The following MYOM1 variants were observed in gnomAD, a reference collection of about 807,000 sequenced individuals.
MYOM1 encodes myomesin 1, also known as myomesin-1.
In MYOM1, 164 loss-of-function variants were observed where a neutral mutation model predicts 205.3. That is an observed-to-expected ratio of 0.80 (90% CI 0.70 to 0.91). The LOEUF (loss-of-function observed/expected upper bound fraction) is 0.91, where lower values mean the gene tolerates loss of function less well. Ranked by LOEUF, MYOM1 falls within the 40% of genes least tolerant of loss-of-function variation. The pLI is 0.00. For synonymous variants in MYOM1, 772 were observed against 789.4 expected (o/e 0.98, Z 0.37); for missense variants, 2,011 against 2,127.3 (o/e 0.95, Z 1.08).
chr18:3,090,769 T>C lies in MYOM1; in HGVS notation c.3898A>G (p.Ile1300Val). 1 of 1,614,012 alleles carries C rather than the reference T, an allele frequency of 6.2e-7. No homozygotes were observed. Among genetic ancestry groups the C allele is most frequent in the South Asian group, 1.1e-5 (1 of 91,076 alleles). The change falls in exon 27 of 38, where the codon ATC (isoleucine) becomes GTC (valine). Residue 1300 changes from isoleucine to valine, a missense_variant. Transcript: ENST00000356443. ...YKMHIDRNTG[I>V]IEMFMEKLQD... ...AGCTTTTCCATGAACATTTCGATGA[T>C]GCCAGTGTTTCGGTCAATATGCATT...
Position 3,067,283 on chromosome 18 carries a change from T to G in MYOM1, c.5037A>C (p.Lys1679Asn), listed in dbSNP as rs1404701175. 1 of 1,606,532 alleles carries G rather than the reference T, an allele frequency of 6.2e-7. No homozygotes were observed. Among genetic ancestry groups the G allele is most frequent in the African/African-American group, 1.3e-5 (1 of 74,846 alleles). Residue 1679 changes from lysine to asparagine, a missense_variant, in exon 38 of 38, where the codon AAA becomes AAC. Lys to Asn is a moderately conservative substitution (Grantham distance 94). Coordinates refer to ENST00000356443, the MANE Select transcript of MYOM1 (RefSeq NM_003803.4). ...CCGGTCACTTGGCCTTCTTGCCACC[T>G]TTCAGGGACTCCAAGGCGGCCATCC... ...EARMAALESLKGGKKAK is the reference protein window; with the variant it reads ...EARMAALESLNGGKKAK
chr18:3,136,031 C>T lies in MYOM1; in HGVS notation c.2026-301G>A, dbSNP rs186966458. On this transcript the variant is annotated intron_variant, in intron 14 of 37. Transcript: ENST00000356443. ...GTGGGAGATAATTGAATCATGGGGG[C>T]GGTTTCCCCCATACTGTTCTCGTGG... Among the ~76,000 whole-genome samples, 671 of 152,182 alleles carry T rather than the reference C, an allele frequency of 4.4e-3. 5 individuals carry two copies. The highest frequency in any genetic ancestry group is 5.6e-3 in the Non-Finnish European group (379 of 68,016).
intron 1 of MYOM1, among the ~76,000 whole-genome samples, chr18:3,216,674 G>A (rs1187909084): frequency 2.0e-5 from 3 of 152,170 alleles, no homozygotes; most frequent in Non-Finnish European, 1.5e-5. Context: ...CTGGTGGAAG[G>A]GCCAGTAGTG....
chr18:3,104,691 G>A (rs6506061), intron 22 of MYOM1, among the ~76,000 whole-genome samples: 32,003 of 149,278 alleles, frequency 0.21, 3,580 homozygotes, highest in African/African-American at 0.26. Context: ...TACCAGTTCT[G>A]ATGTGACAAA....
chr18:3,153,348 C>T (rs986208085), intron 11 of MYOM1, among the ~76,000 whole-genome samples: 1 of 152,154 alleles, frequency 6.6e-6, no homozygotes, highest in African/African-American at 2.4e-5. Flanking sequence ...GGCCTCATTT[C>T]CTACTTGAAA....
In MYOM1 at chr18:3,188,907, T is replaced by C. The variant is rs756977060; in HGVS notation, c.612A>G (p.Ala204=). 6.2e-7 allele frequency: 1 copy of C among 1,609,770 alleles called. No homozygotes were observed. Among genetic ancestry groups the C allele is most frequent in the South Asian group, 1.1e-5 (1 of 90,834 alleles). The change falls in exon 4 of 38, where the codon GCA becomes GCG. Residue 204 remains alanine (A), a synonymous_variant. Transcript: ENST00000356443. ...GCCTGGATGCCGTGGACTGCTTGGA[T>C]GCTGTGGACTGCTTGGATGCCGTGG... ...KQSTASKQST[A]SKQSTASRQS...
intron 18 of MYOM1, among the ~76,000 whole-genome samples, chr18:3,128,978 G>C (rs1327683688): frequency 6.6e-6 from 1 of 152,126 alleles, no homozygotes; most frequent in African/African-American, 2.4e-5. Context: ...ACCAAGAAAG[G>C]CTCTATAACC....
At chr18:3,243,363 T>C in the MYOM1 span, among the ~76,000 whole-genome samples, 2 of 152,262 alleles carry the variant, frequency 1.3e-5, no homozygotes, top group Non-Finnish European at 2.9e-5. Flanking sequence ...GTTTCTTACA[T>C]GCAATAAAAA....
intron 20 of MYOM1, 21 bp from the exon 21 acceptor site, chr18:3,116,536 T>G: frequency 6.7e-7 from 1 of 1,494,270 alleles, no homozygotes; most frequent in Non-Finnish European, 9.0e-7. Flanking sequence ...GAGAAGCCAA[T>G]GAGTAGAAAT....
chr18:3,094,055 A>T, intron 26 of MYOM1, 115 bp downstream of exon 26: 1 of 1,016,184 alleles, frequency 9.8e-7, no homozygotes, highest in South Asian at 1.8e-5. Context: ...AAGGATTTAA[A>T]CTCTCCCACT....
intron 1 of MYOM1, 148 bp from the exon 2 acceptor site, chr18:3,215,399 A>G (rs762962783): frequency 1.5e-6 from 1 of 688,380 alleles, no homozygotes. Context: ...CGAGGCCGGG[A>G]GCTCAAAATC....
At chr18:3,210,318 G>T (rs1378803117) in intron 2 of MYOM1, among the ~76,000 whole-genome samples, 1 of 152,196 alleles carries the variant, frequency 6.6e-6, no homozygotes, top group African/African-American at 2.4e-5. Context: ...TTGAATGTTA[G>T]TGTGGTCTTC....
intron 5 of MYOM1, among the ~76,000 whole-genome samples, chr18:3,182,689 C>G (rs556771460): frequency 1.3e-5 from 2 of 152,168 alleles, no homozygotes; most frequent in Admixed American, 6.5e-5. Flanking sequence ...TTTCATTATG[C>G]AAATAAAACA....
intron 12 of MYOM1, among the ~76,000 whole-genome samples, chr18:3,151,190 T>G (rs2080215511): frequency 6.6e-6 from 1 of 151,694 alleles, no homozygotes; most frequent in Non-Finnish European, 1.5e-5. Flanking sequence ...AGACATAGAT[T>G]AGATATAACG....
chr18:3,149,996 GAA>G (rs933064935), intron 12 of MYOM1, among the ~76,000 whole-genome samples: 2 of 152,208 alleles, frequency 1.3e-5, no homozygotes, highest in African/African-American at 4.8e-5. Context: ...GAGGGTTGGT[GAA>G]GAGTGACTGA....
chr18:3,156,260 G>A (rs180968325), intron 10 of MYOM1, among the ~76,000 whole-genome samples: 63 of 152,316 alleles, frequency 4.1e-4, no homozygotes, highest in African/African-American at 1.4e-3. Flanking sequence ...ACATGCAGGA[G>A]CCACTCACTC....
At chr18:3,117,802 A>AT (rs749409714) in intron 20 of MYOM1, among the ~76,000 whole-genome samples, 14 of 152,136 alleles carry the variant, frequency 9.2e-5, no homozygotes, top group Non-Finnish European at 1.2e-4. Context: ...ATAGTTCAAT[A>AT]TTTGTTTGGC....
intron 25 of MYOM1, among the ~76,000 whole-genome samples, chr18:3,094,904 C>G (rs1252611505): frequency 2.0e-5 from 3 of 152,038 alleles, no homozygotes; most frequent in Non-Finnish European, 4.4e-5. Context: ...CTCAAGTGAT[C>G]CTCCTTGGCC....
intron 9 of MYOM1, 26 bp from the exon 10 acceptor site, chr18:3,164,465 A>G: frequency 3.9e-6 from 6 of 1,554,404 alleles, no homozygotes; most frequent in Non-Finnish European, 5.2e-6. Context: ...AAGTAAGCAA[A>G]TTAACTTATT....
Sources: allele counts gnomAD v4.1 joint callset (sites outside exome capture counted in the v4.1 genomes callset), GRCh38; gene constraint gnomAD v4.1.1; transcripts MANE v1.5; gene names NCBI Gene and HGNC (gene_info 2026-07-23, HGNC 2026-07-21).